GK5: variants seen among roughly 807,000 people sequenced by gnomAD.
The protein encoded by GK5 is glycerol kinase 5.
A neutral mutation model predicts 77.3 loss-of-function variants in GK5; 39 were observed. That is an observed-to-expected ratio of 0.50 (90% CI 0.39 to 0.66). GK5 has a LOEUF of 0.66. GK5 is among the 30% of genes least tolerant of loss of function. GK5 has a pLI of 0.00. For missense variants in GK5, 487 were observed against 633.8 expected (o/e 0.77, Z 2.49); for synonymous variants, 211 against 208.0 (o/e 1.01, Z -0.13).
At chr3:142,187,516 G>A (rs1460676367) in intron 6 of GK5, among the ~76,000 whole-genome samples, 188 bp downstream of exon 6, 1 of 151,546 alleles carries the variant, frequency 6.6e-6, no homozygotes, top group Non-Finnish European at 1.5e-5. Flanking sequence ...GAAGCGGGAG[G>A]ATCGCTTGAG....
Position 142,161,789 on chromosome 3 carries a change from T to TATTGATTGATTG in GK5, c.*3821_*3832dup, listed in dbSNP as rs113801853. The TATTGATTGATTG allele has an allele frequency of 6.6e-6, 1 of 151,922 alleles. No homozygotes were observed. Among genetic ancestry groups the TATTGATTGATTG allele is most frequent in the African/African-American group, 2.4e-5 (1 of 41,290 alleles). The allele number at this position is 151,922 out of a possible 1,614,324, so 9.4% of individuals were successfully genotyped here. On this transcript the variant is annotated 3_prime_UTR_variant, in exon 16 of 16. Transcript: ENST00000392993. The stretch of plus-strand genomic sequence containing the variant: ...ATCAGAAGACAATTACAGCATGAGA[T>TATTGATTGATTG]ATTGATTGATTGATTGATTGATTGA...
chr3:142,168,682 T>C lies in GK5; in HGVS notation c.1441+1643A>G, dbSNP rs185800393. ...TCCTCCTCACTGATCTTTTCACTAATTGTCAAAGCGATCTGTTCAAATGCA... is the reference window on the plus strand; with the variant it reads ...TCCTCCTCACTGATCTTTTCACTAACTGTCAAAGCGATCTGTTCAAATGCA... On this transcript the variant is annotated intron_variant, in intron 15 of 15. Transcript: ENST00000392993. Among the ~76,000 whole-genome samples the C allele has an allele frequency of 6.1e-4, 93 of 152,190 alleles. No individual in the cohort carries two copies. In the Middle Eastern group the frequency reaches 0.014, roughly 22 times the overall value.
chr3:142,222,809 C>T (rs965926036), intron 1 of GK5, among the ~76,000 whole-genome samples: 3 of 152,058 alleles, frequency 2.0e-5, no homozygotes, highest in African/African-American at 7.2e-5. Context: ...AAAAGGCATA[C>T]AAAATAAAAT....
chr3:142,203,290 T>C (rs913057127), intron 4 of GK5, among the ~76,000 whole-genome samples: 1 of 152,158 alleles, frequency 6.6e-6, no homozygotes, highest in African/African-American at 2.4e-5. Context: ...CAGGTGAGAT[T>C]ATGGCAAAAT....
At chr3:142,168,089 G>T (rs1225888290) in intron 15 of GK5, among the ~76,000 whole-genome samples, 1 of 152,164 alleles carries the variant, frequency 6.6e-6, no homozygotes. Flanking sequence ...ATGTTCAAGA[G>T]AATCTGACTT....
intron 3 of GK5, among the ~76,000 whole-genome samples, chr3:142,205,986 T>G (rs948345032): frequency 3.3e-5 from 5 of 152,220 alleles, no homozygotes; most frequent in African/African-American, 1.2e-4. Flanking sequence ...GTATATCATA[T>G]ATAAGTAGAA....
At chr3:142,190,569 C>T (rs2063834336) in intron 5 of GK5, among the ~76,000 whole-genome samples, 1 of 152,130 alleles carries the variant, frequency 6.6e-6, no homozygotes, top group Non-Finnish European at 1.5e-5. Flanking sequence ...CCTACAAACC[C>T]CAAGTAGCTT....
intron 3 of GK5, among the ~76,000 whole-genome samples, chr3:142,205,934 C>A (rs527607050): frequency 6.6e-6 from 1 of 152,254 alleles, no homozygotes; most frequent in Non-Finnish European, 1.5e-5. Context: ...TCCCTTATAG[C>A]CCCTATTCTG....
rs373542377 is a variant in GK5, at chr3:142,204,761, A to G, written c.345T>C (p.Phe115=). The change falls in exon 4 of 16, where the codon TTT becomes TTC. Residue 115 remains phenylalanine, a synonymous_variant. Transcript: ENST00000392993. ...CAGCTCTTAAGTCTTGCCAACTTAT[A>G]AAGTTGTGAAAATGATTTCCTGTTT... ...NKKTGNHFHN[F]ISWQDLRAVE... is the part of the protein sequence containing the mutation. 4 of 1,570,772 alleles carry G rather than the reference A, an allele frequency of 2.5e-6. No individual in the cohort carries two copies. Among genetic ancestry groups the G allele is most frequent in the Non-Finnish European group, 3.5e-6 (4 of 1,151,144 alleles).
intron 4 of GK5, among the ~76,000 whole-genome samples, chr3:142,200,369 T>C (rs1577135826): frequency 6.6e-6 from 1 of 152,302 alleles, no homozygotes; most frequent in South Asian, 2.1e-4. Context: ...GGTTTCACCA[T>C]GTTGGCCAGG....
intron 5 of GK5, among the ~76,000 whole-genome samples, chr3:142,190,876 A>T (rs2063838531): frequency 6.6e-6 from 1 of 152,198 alleles, no homozygotes; most frequent in Non-Finnish European, 1.5e-5. Context: ...CAGAAAAAAA[A>T]TCTAGTCATT....
chr3:142,181,070 G>A (rs2063690835), intron 11 of GK5, among the ~76,000 whole-genome samples: 2 of 152,142 alleles, frequency 1.3e-5, no homozygotes, highest in African/African-American at 4.8e-5. Flanking sequence ...ATTATCGTAC[G>A]TGAACAGCAT....
intron 8 of GK5, 39 bp from the exon 9 acceptor site, chr3:142,186,028 A>G: frequency 6.7e-7 from 1 of 1,483,688 alleles, no homozygotes; most frequent in South Asian, 1.2e-5. Flanking sequence ...TTACAGCTCT[A>G]GAAATATTAG....
At chr3:142,170,484 G>C in intron 14 of GK5, 26 bp from the exon 15 acceptor site, 1 of 1,565,868 alleles carries the variant, frequency 6.4e-7, no homozygotes, top group East Asian at 2.3e-5. Context: ...TATGTAAGAT[G>C]AATTACTACA....
intron 4 of GK5, among the ~76,000 whole-genome samples, chr3:142,201,520 A>C (rs1165991553): frequency 6.6e-6 from 1 of 152,226 alleles, no homozygotes; most frequent in Non-Finnish European, 1.5e-5. Context: ...TGGTAGATAT[A>C]GTTACAGAAG....
At chr3:142,221,813 T>A (rs2064352015) in intron 1 of GK5, among the ~76,000 whole-genome samples, 3 of 152,180 alleles carry the variant, frequency 2.0e-5, no homozygotes, top group Non-Finnish European at 4.4e-5. Flanking sequence ...AAAGATTTTT[T>A]AAAAATACAA....
chr3:142,181,362 C>T, intron 11 of GK5, 99 bp downstream of exon 11: 3 of 600,652 alleles, frequency 5.0e-6, no homozygotes, highest in Admixed American at 3.3e-5. Context: ...TTTAGTGTTT[C>T]ATTTGAACAA....
In GK5 at chr3:142,185,975, G is replaced by A; in HGVS notation, c.770C>T (p.Ser257Leu). ...CACACCAAATATCTCTTCATCCACT[G>A]ATCCAAAATTGTGGCTTCAAATAAA... ...PVRDTSHNFG[S>L]VDEEIFGVPI... is the part of the protein sequence containing the mutation. The change falls in exon 9 of 16, where the codon TCA becomes TTA. Residue 257 changes from serine to leucine, a missense_variant. By Grantham distance (145) the Ser-to-Leu change is moderately radical (BLOSUM62 -2). Transcript: ENST00000392993. 6.2e-7 allele frequency: 1 copy of A among 1,607,152 alleles called. No individual in the cohort carries two copies. The highest frequency in any genetic ancestry group is 8.5e-7 in the Non-Finnish European group (1 of 1,176,196).
rs58034877 is a variant in GK5, at chr3:142,162,995, CAAAAAAAAAAAA to C, written c.*2615_*2626del. The C allele has an allele frequency of 3.2e-5, 3 of 93,798 alleles. No individual in the cohort carries two copies. Among genetic ancestry groups the C allele is most frequent in the Admixed American group, 2.5e-4 (2 of 8,036 alleles). 5.8% of individuals were successfully genotyped at this position (93,798 alleles called of 1,614,324 possible). On this transcript the variant is annotated 3_prime_UTR_variant, in exon 16 of 16. Coordinates refer to ENST00000392993, the MANE Select transcript of GK5 (RefSeq NM_001039547.3). ...TGGGCAACAGAGCATGACAATGTCT[CAAAAAAAAAAAA>C]AAAAAAGAAAGGACAATTTTGTTGC...
Sources: gnomAD v4.1 joint callset for allele counts (sites outside exome capture counted in the v4.1 genomes callset) on GRCh38, gnomAD v4.1.1 for gene constraint, MANE v1.5 for transcripts, NCBI Gene and HGNC (gene_info 2026-07-23, HGNC 2026-07-21) for gene names.